Variants in SNRPB observed in about 807,000 individuals in gnomAD.
SNRPB encodes small nuclear ribonucleoprotein polypeptides B and B1.
Under a neutral mutation model 26.6 loss-of-function variants are expected in SNRPB, and 5 were observed. That is an observed-to-expected ratio of 0.19 (90% CI 0.10 to 0.39). The LOEUF (loss-of-function observed/expected upper bound fraction) is 0.39, where lower values mean the gene tolerates loss of function less well. SNRPB is among the 10% of genes least tolerant of loss of function. The pLI is 1.00. For synonymous variants in SNRPB, 122 were observed against 105.8 expected (o/e 1.15, Z -0.94); for missense variants, 211 against 311.9 (o/e 0.68, Z 2.44).
chr20:2,466,646 T>C (rs2085076199), intron 2 of SNRPB, among the ~76,000 whole-genome samples: 1 of 152,198 alleles, frequency 6.6e-6, no homozygotes, highest in Admixed American at 6.5e-5. Flanking sequence ...ATAATAACCA[T>C]GTATTGTCCT....
At chr20:2,462,028 G>A (rs914658057) in intron 6 of SNRPB, 89 bp from the exon 7 acceptor site, 23 of 865,682 alleles carry the variant, frequency 2.7e-5, no homozygotes, top group Middle Eastern at 3.5e-4. Context: ...TGCAGTAATC[G>A]AGTGAGGAGA....
At chr20:2,469,004 A>C (rs1371898237) in intron 1 of SNRPB, among the ~76,000 whole-genome samples, 1 of 152,204 alleles carries the variant, frequency 6.6e-6, no homozygotes, top group Non-Finnish European at 1.5e-5. Flanking sequence ...GTTTCCATTC[A>C]ATGACCATTT....
At chr20:2,462,936 A>T (rs1481911120) in intron 5 of SNRPB, among the ~76,000 whole-genome samples, 153 bp downstream of exon 5, 5 of 152,250 alleles carry the variant, frequency 3.3e-5, no homozygotes, top group African/African-American at 1.2e-4. Flanking sequence ...GCTCTTGTCC[A>T]CCTAGTCTCA....
At chr20:2,467,925 ACC>A (rs1383255054) in intron 1 of SNRPB, among the ~76,000 whole-genome samples, 167 bp from the exon 2 acceptor site, 1 of 90,200 alleles carries the variant, frequency 1.1e-5, no homozygotes, top group Non-Finnish European at 3.3e-5. Context: ...CTCCCATGCC[ACC>A]CTGTTTTAGC....
chr20:2,466,657 T>G (rs73085325), intron 2 of SNRPB, among the ~76,000 whole-genome samples: 363 of 152,336 alleles, frequency 2.4e-3, no homozygotes, highest in Middle Eastern at 6.8e-3. Flanking sequence ...GTATTGTCCT[T>G]TCATAATTAG....
At chr20:2,464,674 T>A (rs1228686694) in intron 3 of SNRPB, among the ~76,000 whole-genome samples, 1 of 152,182 alleles carries the variant, frequency 6.6e-6, no homozygotes, top group Non-Finnish European at 1.5e-5. Flanking sequence ...TATATGTGGA[T>A]TTTTAAAAAG....
intron 3 of SNRPB, among the ~76,000 whole-genome samples, chr20:2,464,460 T>G (rs930687435): frequency 4.6e-5 from 7 of 152,224 alleles, no homozygotes; most frequent in Non-Finnish European, 7.3e-5. Context: ...TTGCAGACAT[T>G]TTTAACTGGA....
Position 2,465,438 on chromosome 20 carries a change from G to T in SNRPB, c.267+270C>A, listed in dbSNP as rs1008803153. The stretch of plus-strand genomic sequence containing the variant: ...TTTTTTCTTCCTTTTTCTGGAGAAT[G>T]GGGTCTCGCTATATTGCCCAGGCAG... On this transcript the variant is annotated intron_variant, in intron 3 of 6. Coordinates refer to ENST00000381342, the MANE Select transcript of SNRPB (RefSeq NM_003091.4). 3.5e-4 allele frequency among the ~76,000 whole-genome samples: 50 copies of T among 144,886 alleles called. 1 individual carries two copies. The highest frequency in any genetic ancestry group is 1.7e-3 in the Admixed American group (24 of 14,364).
rs569470508 is a variant in SNRPB, at chr20:2,463,193, G to A, written c.455C>T (p.Ala152Val). The part of the protein sequence containing the change: ...MTPQGRGTVA[A>V]AAAAATASIA... ...ACTGGCTGTGGCAGCAGCTGCAGCGGCTGCAACAGTACCTCTTCCTTGTGG... is the reference window on the plus strand; with the variant it reads ...ACTGGCTGTGGCAGCAGCTGCAGCGACTGCAACAGTACCTCTTCCTTGTGG... Residue 152 changes from alanine (A) to valine (V), a missense_variant, in exon 5 of 7, where the codon GCC becomes GTC. Physicochemically the swap from Ala to Val is moderately conservative, Grantham distance 64. Transcript: ENST00000381342. This position sits in a 1 kb window ranked among gnomAD's most constrained non-coding sequence, Gnocchi z 5.0. 6 of 1,612,684 alleles carry A rather than the reference G, an allele frequency of 3.7e-6. No individual in the cohort carries two copies. The highest frequency in any genetic ancestry group is 1.7e-5 in the Admixed American group (1 of 60,016).
At chr20:2,462,874 C>G (rs1321902129) in intron 5 of SNRPB, 113 bp from the exon 6 acceptor site, 1 of 1,008,978 alleles carries the variant, frequency 9.9e-7, no homozygotes, top group Non-Finnish European at 1.5e-6. Flanking sequence ...TCCACCCTCT[C>G]AGCAGCTCCC....
intron 6 of SNRPB, 142 bp from the exon 7 acceptor site, chr20:2,462,081 G>GAGAGGGGTATA: frequency 1.6e-6 from 1 of 623,208 alleles, no homozygotes. Flanking sequence ...CTACTCTGAG[G>GAGAGGGGTATA]CTGACTGGGT....
intron 1 of SNRPB, among the ~76,000 whole-genome samples, chr20:2,470,221 T>A (rs1384106185): frequency 6.6e-6 from 1 of 152,166 alleles, no homozygotes; most frequent in South Asian, 2.1e-4. Context: ...CTCCTCTCCA[T>A]CCAGCAGACC....
chr20:2,467,710 T>G lies in SNRPB; in HGVS notation c.52A>C (p.Arg18=), dbSNP rs777649478. 12 of 1,613,566 alleles carry G rather than the reference T, an allele frequency of 7.4e-6. No homozygotes were observed. The East Asian group carries it at 8.9e-5, about 12-fold the overall frequency. ...ATCCGGCCGTCCTGCAGGATGCACCTCATCCTGTAATCAATATGCTGCAGC... is the reference window on the plus strand; with the variant it reads ...ATCCGGCCGTCCTGCAGGATGCACCGCATCCTGTAATCAATATGCTGCAGC... ...KMLQHIDYRM[R]CILQDGRIFI... The change falls in exon 2 of 7, where the codon AGG becomes CGG. Residue 18 remains arginine (R), a synonymous_variant. Coordinates refer to ENST00000381342, the MANE Select transcript of SNRPB (RefSeq NM_003091.4).
At chr20:2,469,267 G>C (rs1204203865) in intron 1 of SNRPB, among the ~76,000 whole-genome samples, 1 of 152,216 alleles carries the variant, frequency 6.6e-6, no homozygotes, top group Non-Finnish European at 1.5e-5. Flanking sequence ...AATGAATCCA[G>C]CGCCTATTCT....
chr20:2,470,395 T>C (rs943369275), intron 1 of SNRPB, among the ~76,000 whole-genome samples: 1 of 152,216 alleles, frequency 6.6e-6, no homozygotes, highest in African/African-American at 2.4e-5. Flanking sequence ...AAAGTTAACT[T>C]AGTGCCTACT....
chr20:2,469,664 G>C (rs551871363), intron 1 of SNRPB, among the ~76,000 whole-genome samples: 1 of 152,224 alleles, frequency 6.6e-6, no homozygotes, highest in African/African-American at 2.4e-5. Flanking sequence ...CCGCACTCCA[G>C]CCTGGGCAAC....
intron 2 of SNRPB, chr20:2,467,361 C>A (rs756545661): frequency 2.9e-5 from 17 of 593,402 alleles, no homozygotes; most frequent in Non-Finnish European, 4.7e-5. Flanking sequence ...CCCAGGGGCA[C>A]GCAAAGTGAG....
chr20:2,465,162 A>T (rs2122489107), intron 3 of SNRPB, among the ~76,000 whole-genome samples: 1 of 152,362 alleles, frequency 6.6e-6, no homozygotes, highest in East Asian at 1.9e-4. Context: ...AGTAACTATG[A>T]ACTGTAACTG....
intron 1 of SNRPB, among the ~76,000 whole-genome samples, chr20:2,468,451 C>T (rs2085088487): frequency 6.6e-6 from 1 of 152,156 alleles, no homozygotes; most frequent in Non-Finnish European, 1.5e-5. Context: ...CTGTCAGGTA[C>T]CCTAAGCAGT....
Sources: gnomAD v4.1 joint callset for allele counts (sites outside exome capture counted in the v4.1 genomes callset) on GRCh38, gnomAD v4.1.1 for gene constraint, Gnocchi (gnomAD v3.1) non-coding constraint, MANE v1.5 for transcripts, NCBI Gene and HGNC (gene_info 2026-07-23, HGNC 2026-07-21) for gene names.